Variants in TRIQK observed in about 807,000 individuals in gnomAD.
TRIQK encodes the protein triple QxxK/R motif containing.
A neutral mutation model predicts 10.8 loss-of-function variants in TRIQK; 10 were observed. That is an observed-to-expected ratio of 0.92 (90% confidence interval 0.57 to 1.57). The LOEUF (loss-of-function observed/expected upper bound fraction) is 1.57, where lower values mean the gene tolerates loss of function less well. Ranked by LOEUF, TRIQK falls within the 40% of genes most tolerant of loss-of-function variation. The probability of loss-of-function intolerance (pLI) is 0.00; values close to 1 mark genes in which losing one functional copy is unlikely to be tolerated. For synonymous variants in TRIQK, 33 were observed against 33.7 expected (o/e 0.98, Z 0.07); for missense variants, 107 against 97.7 (o/e 1.09, Z -0.40).
At chr8:92,923,146 A>C (rs1810269810) in intron 2 of TRIQK, among the ~76,000 whole-genome samples, 1 of 151,842 alleles carries the variant, frequency 6.6e-6, no homozygotes, top group Admixed American at 6.6e-5. Flanking sequence ...TCAATGACTC[A>C]GACATGTAGA....
At chr8:92,982,697 A>G (rs1410253365) in intron 1 of TRIQK, among the ~76,000 whole-genome samples, 1 of 152,034 alleles carries the variant, frequency 6.6e-6, no homozygotes, top group Admixed American at 6.6e-5. Flanking sequence ...AGATGCTGCA[A>G]ATATCAATGG....
chr8:92,932,255 T>G (rs1252561302), intron 2 of TRIQK, among the ~76,000 whole-genome samples: 1 of 152,172 alleles, frequency 6.6e-6, no homozygotes, highest in Non-Finnish European at 1.5e-5. Flanking sequence ...CTCAAATATA[T>G]TCCAAGGTCC....
At chr8:92,940,528 A>G (rs1811216382) in intron 2 of TRIQK, among the ~76,000 whole-genome samples, 1 of 152,158 alleles carries the variant, frequency 6.6e-6, no homozygotes, top group Non-Finnish European at 1.5e-5. Flanking sequence ...AAAAGAGACA[A>G]AGAAGGTCAT....
chr8:92,913,974 TG>T (rs1181100715), intron 3 of TRIQK, among the ~76,000 whole-genome samples: 1 of 150,802 alleles, frequency 6.6e-6, no homozygotes, highest in Non-Finnish European at 1.5e-5. Context: ...TGTCAGGGGG[TG>T]GGGTGTAAGG....
chr8:92,892,336 A>G (rs1816809841), intron 3 of TRIQK, among the ~76,000 whole-genome samples: 1 of 151,952 alleles, frequency 6.6e-6, no homozygotes, highest in Non-Finnish European at 1.5e-5. Flanking sequence ...GTTTTAGAGA[A>G]CACAAAATTT....
At chr8:92,907,853 C>T (rs1809362170) in intron 3 of TRIQK, among the ~76,000 whole-genome samples, 1 of 151,858 alleles carries the variant, frequency 6.6e-6, no homozygotes, top group Non-Finnish European at 1.5e-5. Context: ...GCTACTAAAA[C>T]AAATATTAAT....
At chr8:92,991,466 CT>C (rs1235720549) in intron 1 of TRIQK, among the ~76,000 whole-genome samples, 7 of 152,154 alleles carry the variant, frequency 4.6e-5, no homozygotes, top group Non-Finnish European at 8.8e-5. Context: ...TGGGAGACAC[CT>C]TCCAGCAGGG....
At chr8:92,956,589 T>G (rs767895294) in intron 1 of TRIQK, among the ~76,000 whole-genome samples, 9 of 151,850 alleles carry the variant, frequency 5.9e-5, no homozygotes, top group Non-Finnish European at 1.0e-4. Flanking sequence ...AAAATACAAC[T>G]CTACAGTCCT....
At chr8:92,919,269 G>A (rs1241024874) in intron 2 of TRIQK, among the ~76,000 whole-genome samples, 1 of 151,884 alleles carries the variant, frequency 6.6e-6, no homozygotes, top group Non-Finnish European at 1.5e-5. Context: ...AATGTCATTG[G>A]TATTTTGATA....
chr8:92,889,647 T>C (rs1181769751), intron 4 of TRIQK, among the ~76,000 whole-genome samples: 1 of 151,614 alleles, frequency 6.6e-6, no homozygotes, highest in East Asian at 1.9e-4. Context: ...TTCAAACAAA[T>C]GTTTTCTCAA....
chr8:93,011,327 G>T (rs1393162296), intron 1 of TRIQK, among the ~76,000 whole-genome samples: 1 of 151,892 alleles, frequency 6.6e-6, no homozygotes, highest in African/African-American at 2.4e-5. Flanking sequence ...GATTATTTCT[G>T]TGGAAATCAT....
At chr8:92,936,916 AT>A (rs1811015438) in intron 2 of TRIQK, among the ~76,000 whole-genome samples, 2 of 151,982 alleles carry the variant, frequency 1.3e-5, no homozygotes, top group South Asian at 4.1e-4. Context: ...ATGACTACTT[AT>A]TGAACTGTTA....
At chr8:92,893,306 A>G (rs1816852580) in intron 3 of TRIQK, among the ~76,000 whole-genome samples, 1 of 152,048 alleles carries the variant, frequency 6.6e-6, no homozygotes, top group Admixed American at 6.6e-5. Flanking sequence ...AAGAAACATT[A>G]TATTTATGTC....
intron 1 of TRIQK, among the ~76,000 whole-genome samples, chr8:93,003,137 G>A (rs948233971): frequency 4.6e-5 from 7 of 152,018 alleles, no homozygotes; most frequent in Non-Finnish European, 1.0e-4. Context: ...TGATTATGTG[G>A]GTGTATCCAT....
chr8:92,902,901 ATT>A (rs943211513), intron 3 of TRIQK, among the ~76,000 whole-genome samples: 1 of 151,636 alleles, frequency 6.6e-6, no homozygotes, highest in Admixed American at 6.6e-5. Flanking sequence ...ATGTATTGTG[ATT>A]TTGACTCTAG....
chr8:92,896,906 T>G (rs997694730), intron 3 of TRIQK, among the ~76,000 whole-genome samples: 3 of 151,800 alleles, frequency 2.0e-5, no homozygotes, highest in Admixed American at 2.0e-4. Context: ...AACCTCTGCC[T>G]CCCAGGTTCA....
chr8:93,009,491 C>A (rs988722941), intron 1 of TRIQK, among the ~76,000 whole-genome samples: 1 of 152,048 alleles, frequency 6.6e-6, no homozygotes, highest in African/African-American at 2.4e-5. Flanking sequence ...TGCCTGTAAT[C>A]CCAGCTACTC....
chr8:92,897,259 C>T (rs763382507), intron 3 of TRIQK, among the ~76,000 whole-genome samples: 2 of 151,962 alleles, frequency 1.3e-5, no homozygotes, highest in South Asian at 2.1e-4. Context: ...AATTTTGAGT[C>T]GATACTGGAA....
chr8:92,958,587 T>C (rs886666662), intron 1 of TRIQK, among the ~76,000 whole-genome samples: 1 of 151,994 alleles, frequency 6.6e-6, no homozygotes, highest in Non-Finnish European at 1.5e-5. Flanking sequence ...AAAGAGAAGA[T>C]GTGGATTATA....
Sources: gnomAD v4.1 joint callset for allele counts (sites outside exome capture counted in the v4.1 genomes callset) on GRCh38, gnomAD v4.1.1 for gene constraint, MANE v1.5 for transcripts, NCBI Gene and HGNC (gene_info 2026-07-23, HGNC 2026-07-21) for gene names.